Variants in DISP2 observed in about 807,000 individuals in gnomAD.
DISP2 encodes protein dispatched homolog 2.
A neutral mutation model predicts 95.5 loss-of-function variants in DISP2; 59 were observed. The observed-to-expected ratio is 0.62, with a 90% CI of 0.50 to 0.77. The LOEUF is 0.77. DISP2 is among the 30% of genes least tolerant of loss of function. The pLI is 0.00. For synonymous variants in DISP2, 827 were observed against 815.0 expected, an observed-to-expected ratio of 1.01 and a Z score of -0.25; for missense variants, 1,752 against 1,854.6, an observed-to-expected ratio of 0.94 and a Z score of 1.02.
chr15:40,367,649 A>C lies in DISP2; in HGVS notation c.1537A>C (p.Thr513Pro), dbSNP rs1381718621. The C allele has an allele frequency of 6.2e-7, 1 of 1,613,578 alleles. No individual in the cohort carries two copies. ...CCTGTACCTGCGCTCACTCTTCCTC[A>C]CGCTCATGGTGCTGCTGGGGGTGCT... Reference protein sequence around the residue: ...MALYLRSLFLTLMVLLGVLGS... With the variant: ...MALYLRSLFLPLMVLLGVLGS... The change falls in exon 8 of 8, where the codon ACG (threonine) becomes CCG (proline). Residue 513 changes from threonine (T) to proline (P), a missense_variant. Coordinates refer to ENST00000267889, the MANE Select transcript of DISP2 (RefSeq NM_033510.3).
chr15:40,365,718 A>G lies in DISP2; in HGVS notation c.938A>G (p.Gln313Arg). 6.2e-7 allele frequency: 1 copy of G among 1,614,040 alleles called. No homozygotes were observed. The highest frequency in any genetic ancestry group is 8.5e-7 in the Non-Finnish European group (1 of 1,180,000). ...ATCCATTCCATGTGTCGCATGGAAC[A>G]GGACCAGGTGAGCTGGTGGGGGAGG... is the stretch of plus-strand genomic sequence containing the variant. ...HAIHSMCRME[Q>R]DQIRSHTSFG... Residue 313 changes from glutamine to arginine, a missense_variant, in exon 7 of 8, where the codon CAG becomes CGG. Transcript: ENST00000267889.
Position 40,364,459 on chromosome 15 carries a change from T to G in DISP2, c.518T>G (p.Leu173Arg). 6.2e-7 allele frequency: 1 copy of G among 1,614,100 alleles called. No homozygotes were observed. Among genetic ancestry groups the G allele is most frequent in the Non-Finnish European group, 8.5e-7 (1 of 1,180,048 alleles). Reference protein sequence around the residue: ...QLIAEWPVAVLMLCLAVIFLC... With the variant: ...QLIAEWPVAVRMLCLAVIFLC... Reference sequence around the variant, plus strand: ...ATTGCTGAGTGGCCAGTGGCCGTGCTGATGCTGTGTCTGGCTGTCATCTTC... The same window carrying G: ...ATTGCTGAGTGGCCAGTGGCCGTGCGGATGCTGTGTCTGGCTGTCATCTTC... Residue 173 changes from leucine to arginine, a missense_variant, in exon 4 of 8, where the codon CTG becomes CGG. Leu to Arg is a moderately radical substitution (Grantham distance 102). Transcript: ENST00000267889.
At chr15:40,366,948 C>A (rs1184598591) in intron 7 of DISP2, 110 bp from the exon 8 acceptor site, 2 of 1,406,484 alleles carry the variant, frequency 1.4e-6, no homozygotes, top group Non-Finnish European at 9.6e-7. Flanking sequence ...AGATCCCTCT[C>A]TGCGCTTGCC....
chr15:40,359,920 C>T (rs1408688432), intron 1 of DISP2, among the ~76,000 whole-genome samples: 1 of 152,228 alleles, frequency 6.6e-6, no homozygotes, highest in African/African-American at 2.4e-5. Context: ...TTTAAAATTA[C>T]CTTTTTATTT....
intron 7 of DISP2, 94 bp downstream of exon 7, chr15:40,365,819 G>C (rs757037249): frequency 2.3e-5 from 28 of 1,218,792 alleles, no homozygotes; most frequent in Admixed American, 3.5e-5. Flanking sequence ...GGACTGCCAG[G>C]GGGTGGACTG....
In DISP2 at chr15:40,370,064, G is replaced by C; in HGVS notation, c.3952G>C (p.Asp1318His). 2 of 1,613,888 alleles carry C rather than the reference G, an allele frequency of 1.2e-6. No homozygotes were observed. ...RVPDSVGVSP[D>H]DLDDTGQPVL... ...ACCAGATTCCGTGGGTGTGTCCCCA[G>C]ATGACCTGGATGACACTGGGCAGCC... Residue 1318 changes from aspartate (D) to histidine (H), a missense_variant, in exon 8 of 8, where the codon GAT (aspartate) becomes CAT (histidine). This residue lies in a region of DISP2 where 347 missense variants were observed against 344.2 expected (regional missense o/e 1.01). Coordinates refer to ENST00000267889, the MANE Select transcript of DISP2 (RefSeq NM_033510.3).
intron 1 of DISP2, among the ~76,000 whole-genome samples, chr15:40,360,269 C>T (rs1432388571): frequency 6.6e-6 from 1 of 152,192 alleles, no homozygotes; most frequent in Non-Finnish European, 1.5e-5. Flanking sequence ...AATAAAAAAC[C>T]CCTGTGTAGC....
Position 40,374,014 on chromosome 15 carries a change from A to AAAAAAAAAAAAAAAAAAATATATAT in DISP2, c.*3697_*3698insAAAAAAAAAAAAAAAAATATATATA. Reference sequence around the variant, plus strand: ...GCGAGACTCCATCTTAAAAAAAAAAAATATATATATATATATATGTAAACT... The same window carrying AAAAAAAAAAAAAAAAAAATATATAT: ...GCGAGACTCCATCTTAAAAAAAAAAAAAAAAAAAAAAAAAAAAATATATATATATATATATATATATATGTAAACT... On this transcript the variant is annotated 3_prime_UTR_variant, in exon 8 of 8. Coordinates refer to ENST00000267889, the MANE Select transcript of DISP2 (RefSeq NM_033510.3). 1 of 104,200 alleles carries AAAAAAAAAAAAAAAAAAATATATAT rather than the reference A, an allele frequency of 9.6e-6. No homozygotes were observed. The highest frequency in any genetic ancestry group is 1.9e-5 in the Non-Finnish European group (1 of 51,290). 6.5% of individuals were successfully genotyped at this position (104,200 alleles called of 1,614,324 possible). A position where few individuals can be genotyped will look rare whatever the true frequency, so the allele number is the denominator to read the frequency against.
In DISP2 at chr15:40,373,145, C is replaced by T. The variant is rs1259976768; in HGVS notation, c.*2827C>T. On this transcript the variant is annotated 3_prime_UTR_variant, in exon 8 of 8. Coordinates refer to ENST00000267889, the MANE Select transcript of DISP2 (RefSeq NM_033510.3). ...ACTTCCTATTTCCTTTGAGTTGCAG[C>T]AGATCCTTTGCTTTATTATTATTAG... 1.3e-5 allele frequency: 2 copies of T among 152,178 alleles called. No individual in the cohort carries two copies. Among genetic ancestry groups the T allele is most frequent in the African/African-American group, 4.8e-5 (2 of 41,434 alleles). The allele number at this position is 152,178 out of a possible 1,614,324, so 9.4% of individuals were successfully genotyped here.
At position 40,368,062 on chromosome 15, in the gene DISP2, C is replaced by T. The variant is rs1566916398; in HGVS notation, c.1950C>T (p.Arg650=). Residue 650 remains arginine, a synonymous_variant, in exon 8 of 8, where the codon CGC becomes CGT. Coordinates refer to ENST00000267889, the MANE Select transcript of DISP2 (RefSeq NM_033510.3). ...SAVLHERYLA[R]GCARRARGRW... ...TGCTCCACGAGCGCTACCTGGCGCG[C>T]GGCTGTGCGCGCCGGGCGCGGGGCC... 2.0e-6 allele frequency: 3 copies of T among 1,469,168 alleles called. No homozygotes were observed. The highest frequency in any genetic ancestry group is 2.4e-5 in the Admixed American group (1 of 40,876). 91.0% of individuals were successfully genotyped at this position (1,469,168 alleles called of 1,614,324 possible). A position where few individuals can be genotyped will look rare whatever the true frequency, so the allele number is the denominator to read the frequency against.
chr15:40,358,907 G>A (rs1312984052), intron 1 of DISP2, among the ~76,000 whole-genome samples: 1 of 152,262 alleles, frequency 6.6e-6, no homozygotes, highest in African/African-American at 2.4e-5. Context: ...GCACGTCAGG[G>A]ACTGTCTTTG....
chr15:40,359,214 C>T (rs759007309), intron 1 of DISP2, among the ~76,000 whole-genome samples: 5 of 152,206 alleles, frequency 3.3e-5, no homozygotes, highest in Non-Finnish European at 7.3e-5. Flanking sequence ...CTGGCTCTGC[C>T]GCCCCCAGAA....
rs1274163685 is a variant in DISP2 at position 40,369,892 on chromosome 15, G to C, written c.3780G>C (p.Leu1260=). ...QDSQGEEAEP[L]PASPEAPAHS... Reference sequence around the variant, plus strand: ...CCCAAGGGGAGGAGGCTGAGCCCCTGCCAGCCTCACCAGAAGCCCCAGCCC... The same window carrying C: ...CCCAAGGGGAGGAGGCTGAGCCCCTCCCAGCCTCACCAGAAGCCCCAGCCC... Residue 1260 remains leucine, a synonymous_variant, in exon 8 of 8, where the codon CTG becomes CTC. Transcript: ENST00000267889. 7.7e-6 allele frequency: 12 copies of C among 1,566,076 alleles called. No individual in the cohort carries two copies. The highest frequency in any genetic ancestry group is 1.0e-5 in the Non-Finnish European group (12 of 1,154,970).
intron 1 of DISP2, among the ~76,000 whole-genome samples, chr15:40,362,834 C>T (rs1234050263): frequency 6.6e-6 from 1 of 152,208 alleles, no homozygotes; most frequent in African/African-American, 2.4e-5. Flanking sequence ...ATTAGGAGTG[C>T]AGCACGTGCT....
chr15:40,363,867 G>C lies in DISP2; in HGVS notation c.362G>C (p.Gly121Ala). The change falls in exon 2 of 8, where the codon GGC (glycine) becomes GCC (alanine). Residue 121 changes from glycine to alanine, a missense_variant. This residue lies in a region of DISP2 where 342 missense variants were observed against 364.3 expected (regional missense o/e 0.94). Transcript: ENST00000267889. ...LGDRAALCSHGSSLSPSPAPS... is the reference protein window; with the variant it reads ...LGDRAALCSHASSLSPSPAPS... ...GATCGGGCAGCTCTCTGCTCCCACG[G>C]CTCCAGCCTCAGCCCTTCTCCAGCC... 1 of 1,603,478 alleles carries C rather than the reference G, an allele frequency of 6.2e-7. No homozygotes were observed. Among genetic ancestry groups the C allele is most frequent in the Non-Finnish European group, 8.5e-7 (1 of 1,173,384 alleles).
chr15:40,358,249 C>CCGCCAT lies in DISP2; in HGVS notation c.-68_-67insTCGCCA. On this transcript the variant is annotated 5_prime_UTR_variant, in exon 1 of 8. Transcript: ENST00000267889. The stretch of plus-strand genomic sequence containing the variant: ...CACGAGCACCCCGCCGCCGCTGCCG[C>CCGCCAT]CGCCACCGCCGCCGCCGCCGCCGCC... The CCGCCAT allele has an allele frequency of 9.6e-7, 1 of 1,045,982 alleles. No individual in the cohort carries two copies. Among genetic ancestry groups the CCGCCAT allele is most frequent in the Non-Finnish European group, 1.2e-6 (1 of 864,434 alleles). 64.8% of individuals were successfully genotyped at this position (1,045,982 alleles called of 1,614,324 possible).
In DISP2 at chr15:40,368,477, C is replaced by T. The variant is rs375551948; in HGVS notation, c.2365C>T (p.Pro789Ser). 6.2e-7 allele frequency: 1 copy of T among 1,609,084 alleles called. No homozygotes were observed. The highest frequency in any genetic ancestry group is 8.5e-7 in the Non-Finnish European group (1 of 1,179,852). The change falls in exon 8 of 8, where the codon CCT becomes TCT. Residue 789 changes from proline to serine, a missense_variant. Pro to Ser is a moderately conservative substitution (Grantham distance 74, BLOSUM62 -1). Transcript: ENST00000267889. Reference sequence around the variant, plus strand: ...TGTGGACACTGGCGACCCTCTGGACCCTCGTAGCAACAGCAGCCTGGTGAG... The same window carrying T: ...TGTGGACACTGGCGACCCTCTGGACTCTCGTAGCAACAGCAGCCTGGTGAG... ...LPVDTGDPLD[P>S]RSNSSLVRDP... is the part of the protein sequence containing the mutation.
intron 1 of DISP2, 27 bp downstream of exon 1, chr15:40,358,467 T>G: frequency 3.2e-6 from 4 of 1,255,030 alleles, no homozygotes; most frequent in Non-Finnish European, 4.0e-6. Flanking sequence ...CGCAGATCCG[T>G]ATCACAGACC....
chr15:40,358,244 TGCCGCCGCCACCGCCGCCGC>T lies in DISP2; in HGVS notation c.-77_-58del. 1 of 779,748 alleles carries T rather than the reference TGCCGCCGCCACCGCCGCCGC, an allele frequency of 1.3e-6. No homozygotes were observed. Among genetic ancestry groups the T allele is most frequent in the Non-Finnish European group, 1.6e-6 (1 of 614,816 alleles). 48.3% of individuals were successfully genotyped at this position (779,748 alleles called of 1,614,324 possible). A position where few individuals can be genotyped will look rare whatever the true frequency, so the allele number is the denominator to read the frequency against. ...ATGCGCACGAGCACCCCGCCGCCGC[TGCCGCCGCCACCGCCGCCGC>T]CGCCGCCGCCGCCGCGGCTTCAGCA... On this transcript the variant is annotated 5_prime_UTR_variant, in exon 1 of 8. Transcript: ENST00000267889.
Sources: allele counts gnomAD v4.1 joint callset (sites outside exome capture counted in the v4.1 genomes callset), GRCh38; gene constraint gnomAD v4.1.1; regional missense constraint gnomAD v4.1.1; transcripts MANE v1.5; gene names NCBI Gene and HGNC (gene_info 2026-07-23, HGNC 2026-07-21).